The following IL34 variants were observed in gnomAD, a reference collection of about 807,000 sequenced individuals.
The protein encoded by IL34 is interleukin 34.
In IL34, 17 loss-of-function variants were observed where a neutral mutation model predicts 25.3. The observed-to-expected ratio is 0.67, with a 90% CI of 0.46 to 1.01. The LOEUF (loss-of-function observed/expected upper bound fraction) is 1.01. IL34 is among the 50% of genes least tolerant of loss of function. IL34 has a pLI of 0.00. For synonymous variants in IL34, 174 were observed against 140.9 expected (o/e 1.23, Z -1.66); for missense variants, 368 against 312.9 (o/e 1.18, Z -1.33).
At chr16:70,628,369 A>G (rs1287453962) in intron 1 of IL34, among the ~76,000 whole-genome samples, 2 of 152,088 alleles carry the variant, frequency 1.3e-5, no homozygotes. Flanking sequence ...TTTTTAGTAT[A>G]TATCTTGCAC....
At chr16:70,596,321 A>T (rs1250566174) in intron 1 of IL34, among the ~76,000 whole-genome samples, 1 of 152,234 alleles carries the variant, frequency 6.6e-6, no homozygotes, top group Non-Finnish European at 1.5e-5. Flanking sequence ...AGACACAGAT[A>T]TTCAGACCAT....
At chr16:70,632,610 C>T (rs2051545276) in intron 1 of IL34, among the ~76,000 whole-genome samples, 1 of 152,084 alleles carries the variant, frequency 6.6e-6, no homozygotes, top group South Asian at 2.1e-4. Flanking sequence ...TCCAATGGAG[C>T]ATCTGCAAAG....
intron 1 of IL34, among the ~76,000 whole-genome samples, chr16:70,610,475 T>C (rs1238865956): frequency 6.6e-6 from 1 of 152,172 alleles, no homozygotes; most frequent in Non-Finnish European, 1.5e-5. Flanking sequence ...GTTTCCTATG[T>C]GTCAAGCAGG....
chr16:70,636,196 G>A (rs970894572), intron 1 of IL34, among the ~76,000 whole-genome samples: 2 of 151,950 alleles, frequency 1.3e-5, no homozygotes, highest in African/African-American at 2.4e-5. Context: ...GTGCCACCAC[G>A]CCCAGCTAAT....
intron 1 of IL34, among the ~76,000 whole-genome samples, chr16:70,590,762 A>G (rs896901510): frequency 1.3e-5 from 2 of 152,156 alleles, no homozygotes; most frequent in Non-Finnish European, 2.9e-5. Context: ...CTGGGATTCG[A>G]ACCCAGGCAG....
At chr16:70,587,445 A>AT (rs2050708023) in intron 1 of IL34, among the ~76,000 whole-genome samples, 1 of 151,604 alleles carries the variant, frequency 6.6e-6, no homozygotes, top group Admixed American at 6.6e-5. Flanking sequence ...AATTTTTTAT[A>AT]TTTTTTTAGT....
chr16:70,643,079 T>G (rs1408711863), upstream of IL34, among the ~76,000 whole-genome samples: 1 of 152,154 alleles, frequency 6.6e-6, no homozygotes, highest in Non-Finnish European at 1.5e-5. Context: ...TTTATTTATT[T>G]TTGAGACGGA....
intron 1 of IL34, among the ~76,000 whole-genome samples, chr16:70,623,295 A>G (rs1271459249): frequency 3.9e-5 from 6 of 152,036 alleles, no homozygotes; most frequent in Non-Finnish European, 1.5e-5. Flanking sequence ...GAACATAATA[A>G]TGGATTGTGG....
intron 1 of IL34, among the ~76,000 whole-genome samples, chr16:70,652,475 A>C (rs1007479539): frequency 6.6e-6 from 1 of 152,182 alleles, no homozygotes; most frequent in Non-Finnish European, 1.5e-5. Flanking sequence ...AAAAACATGA[A>C]AAAATCTCCC....
chr16:70,584,097 C>T (rs1027888307), intron 1 of IL34, among the ~76,000 whole-genome samples: 2 of 152,218 alleles, frequency 1.3e-5, no homozygotes, highest in African/African-American at 4.8e-5. Flanking sequence ...GACATCTCGT[C>T]CCAGATGGGC....
intron 1 of IL34, among the ~76,000 whole-genome samples, chr16:70,620,470 C>T (rs190853069): frequency 7.9e-5 from 12 of 151,418 alleles, no homozygotes; most frequent in Non-Finnish European, 1.3e-4. Context: ...GGTGGAGGAG[C>T]GGAGGCTGAG....
At chr16:70,643,835 T>G (rs754228460), upstream of IL34, among the ~76,000 whole-genome samples, 16 of 152,298 alleles carry the variant, frequency 1.1e-4, no homozygotes, top group Non-Finnish European at 1.9e-4. Flanking sequence ...AATTTGAGGG[T>G]TGTGTGATGA....
intron 1 of IL34, among the ~76,000 whole-genome samples, chr16:70,588,812 T>G (rs2050721341): frequency 6.6e-6 from 1 of 152,146 alleles, no homozygotes; most frequent in South Asian, 2.1e-4. Flanking sequence ...AGATAAATAC[T>G]GTATGATTCT....
chr16:70,621,476 T>G (rs2051280731), intron 1 of IL34, among the ~76,000 whole-genome samples: 1 of 112,192 alleles, frequency 8.9e-6, no homozygotes, highest in East Asian at 2.5e-4. Context: ...TGATTTAAAA[T>G]TGGTGATATT....
At chr16:70,581,768 A>G (rs974885271) in intron 1 of IL34, among the ~76,000 whole-genome samples, 3 of 152,130 alleles carry the variant, frequency 2.0e-5, no homozygotes, top group Non-Finnish European at 2.9e-5. Flanking sequence ...CAGTTAGTTC[A>G]TGTGTAAAAT....
Position 70,591,118 on chromosome 16 carries a change from C to T in IL34, c.-401+11069C>T, listed in dbSNP as rs1209694876. ...TCAGTGCCTTCCTTCTCCTGCCATT[C>T]AACGAGACACTCCTAATAACTCTCT... On this transcript the variant is annotated intron_variant, in intron 1 of 6. Transcript: ENST00000429149. 1.3e-5 allele frequency among the ~76,000 whole-genome samples: 2 copies of T among 152,240 alleles called. 1 individual carries two copies.
chr16:70,653,346 CA>C (rs200626111), intron 1 of IL34, among the ~76,000 whole-genome samples: 1,525 of 86,798 alleles, frequency 0.018, 15 homozygotes, highest in African/African-American at 0.038. Flanking sequence ...AACCCTGTCT[CA>C]AAAAAAAAAA....
chr16:70,599,757 T>C (rs1472819917), intron 1 of IL34, among the ~76,000 whole-genome samples: 1 of 151,172 alleles, frequency 6.6e-6, no homozygotes, highest in East Asian at 1.9e-4. Context: ...TTACTGAAGC[T>C]TCGACCTCCT....
chr16:70,646,670 A>G lies in IL34; in HGVS notation c.-278A>G, dbSNP rs2051939319. 2 of 431,846 alleles carry G rather than the reference A, an allele frequency of 4.6e-6. No homozygotes were observed. Among genetic ancestry groups the G allele is most frequent in the Non-Finnish European group, 4.1e-6 (1 of 246,760 alleles). 26.8% of individuals were successfully genotyped at this position (431,846 alleles called of 1,614,324 possible). A position where few individuals can be genotyped will look rare whatever the true frequency, so the allele number is the denominator to read the frequency against. ...GCTCCTTGGAAAGGAAGACCCCGAA[A>G]GACCCCCAAGCCACCGGCTCAGACC... On this transcript the variant is annotated 5_prime_UTR_variant, in exon 1 of 6. Transcript: ENST00000288098.
Sources: gnomAD v4.1 joint callset for allele counts (sites outside exome capture counted in the v4.1 genomes callset) on GRCh38, gnomAD v4.1.1 for gene constraint, MANE v1.5 for transcripts, NCBI Gene and HGNC (gene_info 2026-07-23, HGNC 2026-07-21) for gene names.